The following MAMDC2 variants were observed in gnomAD, a reference collection of about 807,000 sequenced individuals.
The protein encoded by MAMDC2 is MAM domain-containing protein 2.
In MAMDC2, 57 loss-of-function variants were observed where a neutral mutation model predicts 89.8. The observed-to-expected ratio is 0.63, with a 90% CI of 0.51 to 0.79. The LOEUF (loss-of-function observed/expected upper bound fraction) is 0.79, where lower values mean the gene tolerates loss of function less well. Among genes scored for constraint, MAMDC2 ranks in the 30% least tolerant of loss-of-function variants. MAMDC2 has a pLI of 0.00. For missense variants in MAMDC2, 800 were observed against 820.6 expected (o/e 0.97, Z 0.31); for synonymous variants, 313 against 293.4 (o/e 1.07, Z -0.68).
intron 9 of MAMDC2, 27 bp downstream of exon 9, chr9:70,143,846 T>A: frequency 6.2e-7 from 1 of 1,605,596 alleles, no homozygotes; most frequent in Non-Finnish European, 8.5e-7. Flanking sequence ...TTCTCCTGTG[T>A]CCATGTTCAG....
intron 11 of MAMDC2, among the ~76,000 whole-genome samples, chr9:70,200,484 G>T (rs12350836): frequency 1.3e-5 from 2 of 151,678 alleles, no homozygotes; most frequent in African/African-American, 4.9e-5. Flanking sequence ...GTCAGGTAGC[G>T]TGATTCCTCC....
At chr9:70,057,329 G>A (rs553077331) in intron 2 of MAMDC2, among the ~76,000 whole-genome samples, 1 of 152,142 alleles carries the variant, frequency 6.6e-6, no homozygotes, top group African/African-American at 2.4e-5. Context: ...GATCCAAGTG[G>A]CCCTCTTGCC....
chr9:70,142,315 G>A (rs1189477890), intron 8 of MAMDC2, among the ~76,000 whole-genome samples: 2 of 152,166 alleles, frequency 1.3e-5, no homozygotes, highest in Non-Finnish European at 2.9e-5. Context: ...GCACCGTGGG[G>A]AGGAATGGTG....
chr9:70,219,512 C>T (rs1304036885), intron 12 of MAMDC2, among the ~76,000 whole-genome samples: 3 of 152,182 alleles, frequency 2.0e-5, no homozygotes, highest in Admixed American at 6.5e-5. Context: ...AAGGGATATC[C>T]AAATTAAGGG....
chr9:70,203,156 G>A (rs940843388), intron 11 of MAMDC2, among the ~76,000 whole-genome samples: 2 of 151,092 alleles, frequency 1.3e-5, no homozygotes, highest in Non-Finnish European at 3.0e-5. Flanking sequence ...AGTCTTGATG[G>A]TCTTTACATT....
chr9:70,134,300 G>C (rs890981280), intron 7 of MAMDC2, among the ~76,000 whole-genome samples: 2 of 114,206 alleles, frequency 1.8e-5, no homozygotes, highest in Non-Finnish European at 3.5e-5. Context: ...CCCCACACCC[G>C]GTGCTTCCAG....
intron 6 of MAMDC2, among the ~76,000 whole-genome samples, chr9:70,131,143 G>T (rs531117311): frequency 6.6e-6 from 1 of 152,174 alleles, no homozygotes; most frequent in Non-Finnish European, 1.5e-5. Flanking sequence ...CATTGTGTCC[G>T]CAAATTCCAG....
At chr9:70,185,134 G>A (rs961973426) in intron 11 of MAMDC2, among the ~76,000 whole-genome samples, 1 of 152,138 alleles carries the variant, frequency 6.6e-6, no homozygotes, top group Non-Finnish European at 1.5e-5. Context: ...TAACAGTCAG[G>A]CCCCTCTTCT....
At chr9:70,222,148 G>A (rs993850851) in intron 12 of MAMDC2, among the ~76,000 whole-genome samples, 1 of 152,132 alleles carries the variant, frequency 6.6e-6, no homozygotes, top group Admixed American at 6.6e-5. Context: ...CTGAGGGAAA[G>A]GGAGACACCA....
At chr9:70,084,512 A>G (rs1827724247) in intron 2 of MAMDC2, among the ~76,000 whole-genome samples, 1 of 152,052 alleles carries the variant, frequency 6.6e-6, no homozygotes, top group Non-Finnish European at 1.5e-5. Context: ...CTAGATAGGT[A>G]TCCCCAGTGG....
intron 2 of MAMDC2, among the ~76,000 whole-genome samples, chr9:70,060,198 C>A (rs1827115724): frequency 6.6e-6 from 1 of 152,092 alleles, no homozygotes; most frequent in Non-Finnish European, 1.5e-5. Context: ...GCAAAGAATC[C>A]CTCTCACTTG....
At chr9:70,184,869 C>T (rs2032717786) in intron 11 of MAMDC2, among the ~76,000 whole-genome samples, 1 of 152,048 alleles carries the variant, frequency 6.6e-6, no homozygotes, top group Non-Finnish European at 1.5e-5. Flanking sequence ...TCTTCTGAAG[C>T]CGACTTTTGT....
chr9:70,045,258 C>T (rs1306149103), intron 2 of MAMDC2, among the ~76,000 whole-genome samples: 3 of 152,216 alleles, frequency 2.0e-5, no homozygotes, highest in African/African-American at 7.2e-5. Context: ...AAACCATGTA[C>T]ACTGCCAAAT....
rs754405771 is a variant in MAMDC2 at position 70,113,084 on chromosome 9, A to G, written c.595A>G (p.Asn199Asp). ...GTTTGTTGGAGGAGGAAGTATTCGGAATGTCCACTCCATTCTCCCACAGGA... is the reference window on the plus strand; with the variant it reads ...GTTTGTTGGAGGAGGAAGTATTCGGGATGTCCACTCCATTCTCCCACAGGA... ...NWFVGGGSIR[N>D]VHSILPQDHT... Residue 199 changes from asparagine (N) to aspartate (D), a missense_variant, in exon 5 of 14, where the codon AAT (asparagine) becomes GAT (aspartate). By Grantham distance (23) the Asn-to-Asp change is conservative. Coordinates refer to ENST00000377182, the MANE Select transcript of MAMDC2 (RefSeq NM_153267.5). 3.1e-6 allele frequency: 5 copies of G among 1,614,092 alleles called. No homozygotes were observed. The highest frequency in any genetic ancestry group is 4.2e-6 in the Non-Finnish European group (5 of 1,179,976).
intron 2 of MAMDC2, among the ~76,000 whole-genome samples, chr9:70,106,625 T>C (rs1158525205): frequency 6.6e-6 from 1 of 152,144 alleles, no homozygotes; most frequent in Non-Finnish European, 1.5e-5. Context: ...TGGGCCTGAG[T>C]TGCAGTGAGT....
intron 2 of MAMDC2, among the ~76,000 whole-genome samples, chr9:70,050,470 G>T (rs917780386): frequency 4.6e-5 from 7 of 152,184 alleles, no homozygotes; most frequent in Non-Finnish European, 4.4e-5. Flanking sequence ...TTCAAGCTGT[G>T]TGGGCTTGGG....
intron 2 of MAMDC2, among the ~76,000 whole-genome samples, chr9:70,069,243 T>C (rs1344148835): frequency 6.6e-6 from 1 of 152,246 alleles, no homozygotes; most frequent in Non-Finnish European, 1.5e-5. Context: ...GTTGTTCCTG[T>C]TTTGTTTTTC....
At position 70,061,281 on chromosome 9, in the gene MAMDC2, G is replaced by A. The variant is rs564033992; in HGVS notation, c.148+16584G>A. Among the ~76,000 whole-genome samples, 11 of 152,304 alleles carry A rather than the reference G, an allele frequency of 7.2e-5. No homozygotes were observed. The South Asian group carries it at 2.1e-3, about 29-fold the overall frequency. On this transcript the variant is annotated intron_variant, in intron 2 of 13. Coordinates refer to ENST00000377182, the MANE Select transcript of MAMDC2 (RefSeq NM_153267.5). ...TCCCTTCTAGTTCACAAATGAGGAA[G>A]CAGAAGTTTCTGTTGGTTAAATGGT... is the stretch of plus-strand genomic sequence containing the variant.
intron 3 of MAMDC2, 44 bp downstream of exon 3, chr9:70,108,526 CT>C: frequency 6.7e-7 from 1 of 1,492,100 alleles, no homozygotes. Flanking sequence ...ATTATCTTTG[CT>C]TTATACTATT....
Sources: allele counts gnomAD v4.1 joint callset (sites outside exome capture counted in the v4.1 genomes callset), GRCh38; gene constraint gnomAD v4.1.1; transcripts MANE v1.5; gene names NCBI Gene and HGNC (gene_info 2026-07-23, HGNC 2026-07-21).